Variants in PFKM observed in about 807,000 individuals in gnomAD.
PFKM encodes the protein phosphofructokinase, muscle, also known as ATP-dependent 6-phosphofructokinase, muscle type.
In PFKM, 58 loss-of-function variants were observed where a neutral mutation model predicts 95.5. The ratio of observed to expected loss-of-function variants is 0.61; its 90% CI spans 0.49 to 0.76. The LOEUF is 0.76. Among genes scored for constraint, PFKM ranks in the 30% least tolerant of loss-of-function variants. The pLI is 0.00. For missense variants in PFKM, 678 were observed against 1,005.4 expected, an observed-to-expected ratio of 0.67 and a Z score of 4.40; for synonymous variants, 336 against 357.2, an observed-to-expected ratio of 0.94 and a Z score of 0.67.
At chr12:48,137,693 A>C (rs1165953038) in intron 10 of PFKM, 28 bp from the exon 11 acceptor site, 3 of 1,614,030 alleles carry the variant, frequency 1.9e-6, no homozygotes, top group Non-Finnish European at 2.5e-6. Flanking sequence ...CCTGAGCCAG[A>C]CTGTCTTTGT....
chr12:48,117,477 C>T (rs1947773198), upstream of PFKM, among the ~76,000 whole-genome samples: 2 of 152,196 alleles, frequency 1.3e-5, no homozygotes, highest in African/African-American at 2.4e-5. Flanking sequence ...CCAGTGGTTC[C>T]ACATTCTCAT....
rs1949694817 is a variant in PFKM, at chr12:48,133,155, AG to A, written c.427+99del. On this transcript the variant is annotated intron_variant, in intron 5 of 22. Coordinates refer to ENST00000359794, the MANE Select transcript of PFKM (RefSeq NM_000289.6). Reference sequence around the variant, plus strand: ...CCGCCCTGCTTTTACCTCCCATTGGAGAAAAATGTTACCCAGACACAAATAG... The same window carrying A: ...CCGCCCTGCTTTTACCTCCCATTGGAAAAAATGTTACCCAGACACAAATAG... 9 of 1,350,328 alleles carry A rather than the reference AG, an allele frequency of 6.7e-6. No homozygotes were observed. In the East Asian group the frequency reaches 2.1e-4, roughly 31 times the overall value. The allele number at this position is 1,350,328 out of a possible 1,614,324, so 83.6% of individuals were successfully genotyped here.
intron 9 of PFKM, 30 bp from the exon 10 acceptor site, chr12:48,135,261 C>G: frequency 6.4e-7 from 1 of 1,566,568 alleles, no homozygotes; most frequent in East Asian, 2.2e-5. Flanking sequence ...CTGCGTAACC[C>G]TCTCTCTGTC....
chr12:48,133,087 A>T, intron 5 of PFKM, 30 bp downstream of exon 5: 1 of 1,600,422 alleles, frequency 6.2e-7, no homozygotes. Flanking sequence ...AGTATTGCTT[A>T]TTTGTGTCGG....
intron 2 of PFKM, among the ~76,000 whole-genome samples, chr12:48,124,030 T>G (rs1948569037): frequency 6.6e-6 from 1 of 152,216 alleles, no homozygotes; most frequent in South Asian, 2.1e-4. Flanking sequence ...TTAGTGAGTA[T>G]CTACTGTGTC....
chr12:48,125,393 G>A (rs1207818705), intron 2 of PFKM: 12 of 437,308 alleles, frequency 2.7e-5, no homozygotes, highest in African/African-American at 4.2e-5. Context: ...AGGCCGAGGC[G>A]GGCAGATCAC....
intron 1 of PFKM, 49 bp downstream of exon 1, chr12:48,119,455 G>A: frequency 1.0e-6 from 1 of 978,408 alleles, no homozygotes; most frequent in Non-Finnish European, 1.2e-6. Flanking sequence ...TGGGAGTGAG[G>A]TGGGAAGGTA....
intron 10 of PFKM, 110 bp from the exon 11 acceptor site, chr12:48,137,611 T>G: frequency 6.2e-6 from 8 of 1,287,246 alleles, no homozygotes; most frequent in Non-Finnish European, 9.0e-6. Context: ...TTCTTAATTG[T>G]GAGACTCAGT....
intron 3 of PFKM, among the ~76,000 whole-genome samples, chr12:48,108,490 G>A (rs1338225599): frequency 6.6e-6 from 1 of 152,088 alleles, no homozygotes; most frequent in Admixed American, 6.5e-5. Flanking sequence ...AAATCAATTG[G>A]CTCATAACTG....
intron 14 of PFKM, 114 bp downstream of exon 14, chr12:48,140,985 CA>C: frequency 8.9e-7 from 1 of 1,122,226 alleles, no homozygotes; most frequent in South Asian, 1.3e-5. Context: ...TCTCCTCTCT[CA>C]GGGTCCAGGC....
chr12:48,143,601 C>A, intron 18 of PFKM, 152 bp from the exon 19 acceptor site: 1 of 698,446 alleles, frequency 1.4e-6, no homozygotes, highest in Non-Finnish European at 2.6e-6. Context: ...CACTGAGCTT[C>A]TTACAGGAAT....
At position 48,109,345 on chromosome 12, in the gene PFKM, TCTTC is replaced by T. The variant is rs150032040; in HGVS notation, c.205+1159_205+1162del. Among the ~76,000 whole-genome samples the T allele has an allele frequency of 7.1e-3, 1,071 of 150,898 alleles. 18 individuals carry two copies. Among genetic ancestry groups the T allele is most frequent in the African/African-American group, 0.025 (1,018 of 41,198 alleles). On this transcript the variant is annotated intron_variant, in intron 3 of 24. Transcript: ENST00000340802. ...TTCCTCCCTCCCTCCCTTCCTTCTT[TCTTC>T]CTTCCTTTCTTTTTCTTTTCTTTCC...
At chr12:48,124,764 T>C (rs1383576446) in intron 2 of PFKM, among the ~76,000 whole-genome samples, 1 of 152,008 alleles carries the variant, frequency 6.6e-6, no homozygotes, top group Non-Finnish European at 1.5e-5. Flanking sequence ...CACATGTCAC[T>C]AGGGATTGAG....
At chr12:48,134,557 G>T (rs543037031) in intron 7 of PFKM, among the ~76,000 whole-genome samples, 164 bp from the exon 8 acceptor site, 6 of 152,232 alleles carry the variant, frequency 3.9e-5, no homozygotes, top group Non-Finnish European at 8.8e-5. Flanking sequence ...GTTAGAGACA[G>T]AATCTCATTG....
At chr12:48,139,101 T>C in intron 11 of PFKM, among the ~76,000 whole-genome samples, 184 bp from the exon 12 acceptor site, 1 of 152,182 alleles carries the variant, frequency 6.6e-6, no homozygotes, top group South Asian at 2.1e-4. Flanking sequence ...GCTCATTACT[T>C]AGACAACTCA....
chr12:48,119,568 G>A (rs770483411), intron 1 of PFKM, 162 bp downstream of exon 1: 2 of 227,418 alleles, frequency 8.8e-6, no homozygotes, highest in Non-Finnish European at 1.4e-5. Context: ...CAGGGCAGTC[G>A]TGAAGGATCC....
chr12:48,134,673 A>G lies in PFKM; in HGVS notation c.639-48A>G, dbSNP rs1308417837. On this transcript the variant is annotated intron_variant, in intron 7 of 22. Transcript: ENST00000359794. Reference sequence around the variant, plus strand: ...GAACTTGTTGGGTATGGGTGAGGCTATTTGTAGAGTACAACTTCTAGCAGG... The same window carrying G: ...GAACTTGTTGGGTATGGGTGAGGCTGTTTGTAGAGTACAACTTCTAGCAGG... The G allele has an allele frequency of 2.3e-6, 3 of 1,294,008 alleles. No individual in the cohort carries two copies. The East Asian group carries it at 6.9e-5, about 30-fold the overall frequency. The allele number at this position is 1,294,008 out of a possible 1,614,324, so 80.2% of individuals were successfully genotyped here.
At position 48,133,056 on chromosome 12, in the gene PFKM, A is replaced by G. The variant is rs769846548; in HGVS notation, c.426A>G (p.Ala142=). 1.2e-6 allele frequency: 2 copies of G among 1,613,970 alleles called. No individual in the cohort carries two copies. Among genetic ancestry groups the G allele is most frequent in the Admixed American group, 1.7e-5 (1 of 60,022 alleles). Residue 142 remains alanine (A), a splice_region_variant and synonymous_variant, in exon 5 of 23, where the codon GCA becomes GCG. Coordinates refer to ENST00000359794, the MANE Select transcript of PFKM (RefSeq NM_000289.6). Reference sequence around the variant, plus strand: ...ACTTGTTGAGTGACCTCCAGAAAGCAGGTAAGAGAGTTTTCACATCAGTAT... The same window carrying G: ...ACTTGTTGAGTGACCTCCAGAAAGCGGGTAAGAGAGTTTTCACATCAGTAT... ...WSDLLSDLQK[A]GKITDEEATK...
rs1950920168 is a variant in PFKM, at chr12:48,145,111, C to T, written c.2073C>T (p.Ile691=). ...AKAMNWMSGK[I]KESYRNGRIF... ...CTATGAACTGGATGTCTGGGAAAATCAAAGAGAGTTACCGTAATGGTAGGT... is the reference window on the plus strand; with the variant it reads ...CTATGAACTGGATGTCTGGGAAAATTAAAGAGAGTTACCGTAATGGTAGGT... Residue 691 remains isoleucine, a synonymous_variant, in exon 21 of 23, where the codon ATC becomes ATT. Transcript: ENST00000359794. This position sits in a 1 kb window ranked among gnomAD's most constrained non-coding sequence, Gnocchi z 4.3. The T allele has an allele frequency of 1.2e-6, 2 of 1,613,888 alleles. No individual in the cohort carries two copies.
Sources: gnomAD v4.1 joint callset for allele counts (sites outside exome capture counted in the v4.1 genomes callset) on GRCh38, gnomAD v4.1.1 for gene constraint, Gnocchi (gnomAD v3.1) non-coding constraint, MANE v1.5 for transcripts, NCBI Gene and HGNC (gene_info 2026-07-23, HGNC 2026-07-21) for gene names.